The following CHN2 variants were observed in gnomAD, a reference collection of about 807,000 sequenced individuals.
CHN2 encodes beta-chimaerin.
CHN2 carries 35 observed loss-of-function variants against 56.3 expected under a neutral mutation model. The observed-to-expected ratio is 0.62, with a 90% CI of 0.47 to 0.82. The LOEUF (loss-of-function observed/expected upper bound fraction) is 0.82, where lower values mean the gene tolerates loss of function less well. Among genes scored for constraint, CHN2 ranks in the 40% least tolerant of loss-of-function variants. CHN2 has a pLI of 0.00. For missense variants in CHN2, 491 were observed against 580.5 expected, an observed-to-expected ratio of 0.85 and a Z score of 1.58; for synonymous variants, 210 against 212.8, an observed-to-expected ratio of 0.99 and a Z score of 0.12.
intron 2 of CHN2, among the ~76,000 whole-genome samples, chr7:29,363,914 G>A (rs1317549407): frequency 2.0e-5 from 3 of 152,184 alleles, no homozygotes; most frequent in Admixed American, 2.0e-4. Flanking sequence ...GCACCCGCCT[G>A]TATTCGCAGC....
chr7:29,211,972 G>T (rs2128781389), intron 1 of CHN2, among the ~76,000 whole-genome samples: 1 of 152,272 alleles, frequency 6.6e-6, no homozygotes, highest in Admixed American at 6.5e-5. Context: ...CTTCAACAAT[G>T]ATCGCATCAT....
At chr7:29,270,538 C>T (rs1209489389) in intron 1 of CHN2, among the ~76,000 whole-genome samples, 1 of 150,004 alleles carries the variant, frequency 6.7e-6, no homozygotes. Flanking sequence ...GTGGTGCGCA[C>T]TTGTAATCCC....
intron 6 of CHN2, among the ~76,000 whole-genome samples, chr7:29,466,921 A>T (rs1364232489): frequency 3.3e-5 from 5 of 152,226 alleles, no homozygotes; most frequent in Admixed American, 3.3e-4. Context: ...AGAAGTTTTA[A>T]AAGATAAAAA....
intron 2 of CHN2, among the ~76,000 whole-genome samples, chr7:29,153,359 A>AT (rs1049455175): frequency 4.6e-5 from 7 of 152,058 alleles, no homozygotes; most frequent in African/African-American, 1.7e-4. Flanking sequence ...TTATACACGG[A>AT]TTTTTTTCTA....
chr7:29,399,472 A>G (rs1242811980), intron 5 of CHN2, among the ~76,000 whole-genome samples: 2 of 152,206 alleles, frequency 1.3e-5, no homozygotes, highest in East Asian at 1.9e-4. Flanking sequence ...AAACATCACA[A>G]CATAAGAAAG....
intron 2 of CHN2, chr7:29,146,989 G>T (rs1230746339): frequency 1.5e-5 from 23 of 1,550,638 alleles, no homozygotes; most frequent in Non-Finnish European, 2.0e-5. Flanking sequence ...CCACTGTCCT[G>T]CCAAGCACTC....
intron 1 of CHN2, chr7:29,335,822 A>G (rs926312354): frequency 2.0e-5 from 3 of 152,256 alleles, no homozygotes; most frequent in African/African-American, 4.8e-5. Flanking sequence ...GACATTCCTA[A>G]AGAGAATCTT....
chr7:29,277,993 C>G (rs950209208), intron 1 of CHN2, among the ~76,000 whole-genome samples: 1 of 152,276 alleles, frequency 6.6e-6, no homozygotes, highest in East Asian at 1.9e-4. Flanking sequence ...TGAGTGTGTG[C>G]AGTCATATAG....
chr7:29,311,063 G>T (rs1040904025), intron 1 of CHN2, among the ~76,000 whole-genome samples: 1 of 152,206 alleles, frequency 6.6e-6, no homozygotes, highest in African/African-American at 2.4e-5. Flanking sequence ...CCTCAGTACA[G>T]ATGTTTTCCC....
intron 3 of CHN2, among the ~76,000 whole-genome samples, chr7:29,383,557 T>A (rs1562564507): frequency 6.6e-6 from 1 of 152,132 alleles, no homozygotes; most frequent in Non-Finnish European, 1.5e-5. Flanking sequence ...CCAGAAATAA[T>A]GTTTGTCAGA....
intron 1 of CHN2, among the ~76,000 whole-genome samples, chr7:29,338,061 G>C (rs1191565083): frequency 1.3e-5 from 2 of 152,154 alleles, no homozygotes; most frequent in Admixed American, 6.5e-5. Flanking sequence ...GTAAGGTTTA[G>C]GTTGGAAATA....
intron 6 of CHN2, among the ~76,000 whole-genome samples, chr7:29,440,684 CAAAAAAAAAAAAAAAA>C (rs556692737): frequency 0.24 from 11,030 of 45,862 alleles, 842 homozygotes; most frequent in African/African-American, 0.38. Context: ...GACTCCGTCT[CAAAAAAAAAAAAAAAA>C]AAAAAAAAAA....
At chr7:29,259,308 C>T (rs1184845745) in intron 1 of CHN2, among the ~76,000 whole-genome samples, 7 of 145,254 alleles carry the variant, frequency 4.8e-5, no homozygotes, top group African/African-American at 1.6e-4. Flanking sequence ...GCCTGGGTGA[C>T]GGACTGAGAC....
chr7:29,442,934 C>CTTTTTTTTTTTCTTTTTTTTTTTTTTT (rs564931650), intron 6 of CHN2, among the ~76,000 whole-genome samples: 2 of 103,068 alleles, frequency 1.9e-5, no homozygotes, highest in Non-Finnish European at 3.7e-5. Context: ...CATTGAATTT[C>CTTTTTTTTTTTCTTTTTTTTTTTTTTT]TTTTTTTTTT....
chr7:29,344,882 T>G (rs1797310390), intron 1 of CHN2, among the ~76,000 whole-genome samples: 1 of 152,204 alleles, frequency 6.6e-6, no homozygotes, highest in Non-Finnish European at 1.5e-5. Context: ...TCAATGCTCC[T>G]TGTATGCATC....
At chr7:29,317,395 C>T (rs1460257902) in intron 1 of CHN2, among the ~76,000 whole-genome samples, 1 of 152,132 alleles carries the variant, frequency 6.6e-6, no homozygotes, top group African/African-American at 2.4e-5. Context: ...CACTTTGGGA[C>T]CGAAGGATAT....
chr7:29,401,841 C>T (rs1802232219), intron 6 of CHN2, among the ~76,000 whole-genome samples: 1 of 152,164 alleles, frequency 6.6e-6, no homozygotes, highest in African/African-American at 2.4e-5. Context: ...CCAGAGTTTG[C>T]TAGCAGATTT....
chr7:29,212,298 A>G (rs1562834915), intron 1 of CHN2: 4 of 1,190,338 alleles, frequency 3.4e-6, no homozygotes, highest in Non-Finnish European at 5.0e-6. Context: ...CCTCAATACT[A>G]ACATGAGTGT....
At chr7:29,214,411 A>T (rs907787996) in intron 1 of CHN2, among the ~76,000 whole-genome samples, 3 of 152,128 alleles carry the variant, frequency 2.0e-5, no homozygotes, top group Admixed American at 2.0e-4. Flanking sequence ...TTAAAGTCTG[A>T]CTTTTCTAGG....
Sources: allele counts gnomAD v4.1 joint callset (sites outside exome capture counted in the v4.1 genomes callset), GRCh38; gene constraint gnomAD v4.1.1; transcripts MANE v1.5; gene names NCBI Gene and HGNC (gene_info 2026-07-23, HGNC 2026-07-21).